The following PARPBP variants were observed in gnomAD, a reference collection of about 807,000 sequenced individuals.
The protein encoded by PARPBP is PARP1 binding protein.
PARPBP carries 52 observed loss-of-function variants against 50.0 expected under a neutral mutation model. The ratio of observed to expected loss-of-function variants is 1.04; its 90% CI spans 0.83 to 1.31. The LOEUF (loss-of-function observed/expected upper bound fraction) is 1.31, where lower values mean the gene tolerates loss of function less well. Ranked by LOEUF, PARPBP falls within the 50% of genes most tolerant of loss-of-function variation. PARPBP has a pLI of 0.00. For missense variants in PARPBP, 697 were observed against 672.0 expected (o/e 1.04, Z -0.41); for synonymous variants, 244 against 232.1 (o/e 1.05, Z -0.47).
chr12:102,193,202 G>A (rs1465126915), intron 9 of PARPBP, among the ~76,000 whole-genome samples: 2 of 151,716 alleles, frequency 1.3e-5, no homozygotes, highest in Non-Finnish European at 1.5e-5. Flanking sequence ...TATTTGCATA[G>A]CAAGCAAAGA....
intron 9 of PARPBP, among the ~76,000 whole-genome samples, chr12:102,187,594 A>C (rs1890413224): frequency 6.6e-6 from 1 of 152,204 alleles, no homozygotes; most frequent in African/African-American, 2.4e-5. Context: ...CCTAGAGTGC[A>C]GAACCCAGAA....
intron 2 of PARPBP, among the ~76,000 whole-genome samples, chr12:102,136,977 CAG>C (rs1424567846): frequency 1.3e-5 from 2 of 151,818 alleles, no homozygotes; most frequent in Non-Finnish European, 1.5e-5. Context: ...GTTTTTGAGA[CAG>C]AGTCTCACTC....
Position 102,196,617 on chromosome 12 carries a change from T to C in PARPBP, c.*326T>C. ...TCCCATTGGCAATTAAATGCTTTTA[T>C]TTTCTTCTGAAAAGATGATGTGGAC... On this transcript the variant is annotated 3_prime_UTR_variant, in exon 11 of 11. Coordinates refer to ENST00000327680, the MANE Select transcript of PARPBP (RefSeq NM_017915.5). The C allele has an allele frequency of 6.5e-7, 1 of 1,535,432 alleles. No homozygotes were observed. Among genetic ancestry groups the C allele is most frequent in the Non-Finnish European group, 9.0e-7 (1 of 1,108,872 alleles).
Position 102,124,002 on chromosome 12 carries a change from C to G in PARPBP, c.114C>G (p.Leu38=). 1 of 1,535,106 alleles carries G rather than the reference C, an allele frequency of 6.5e-7. No homozygotes were observed. The part of the protein sequence containing the change: ...RTTLCGADSM[L]LALQLSMAEN... The stretch of plus-strand genomic sequence containing the variant: ...CTCTATGTGGTGCAGACTCCATGCT[C>G]TTGGCATTGCAGCTTTCTATGGCGG... The change falls in exon 2 of 11, where the codon CTC becomes CTG. Residue 38 remains leucine (L), a synonymous_variant. Coordinates refer to ENST00000327680, the MANE Select transcript of PARPBP (RefSeq NM_017915.5).
At chr12:102,187,941 A>T (rs1223176904) in intron 9 of PARPBP, among the ~76,000 whole-genome samples, 1 of 152,228 alleles carries the variant, frequency 6.6e-6, no homozygotes, top group Non-Finnish European at 1.5e-5. Flanking sequence ...GGACAGGATA[A>T]CATCCTTCTG....
At chr12:102,154,087 T>G in intron 4 of PARPBP, 111 bp downstream of exon 4, 1 of 626,364 alleles carries the variant, frequency 1.6e-6, no homozygotes, top group South Asian at 2.0e-5. Context: ...TTAACAAATC[T>G]TTAGTATGTT....
chr12:102,131,439 T>C (rs1470351813), intron 2 of PARPBP, among the ~76,000 whole-genome samples: 1 of 152,148 alleles, frequency 6.6e-6, no homozygotes, highest in Non-Finnish European at 1.5e-5. Flanking sequence ...GGAGATTCCT[T>C]GAAGACCTAA....
chr12:102,176,143 T>C (rs1245137461), intron 7 of PARPBP, among the ~76,000 whole-genome samples: 1 of 151,954 alleles, frequency 6.6e-6, no homozygotes, highest in Non-Finnish European at 1.5e-5. Context: ...CCACCATGCC[T>C]GGCTAATTTT....
At chr12:102,138,823 CTCTGT>C (rs1419433186) in intron 2 of PARPBP, among the ~76,000 whole-genome samples, 1 of 152,128 alleles carries the variant, frequency 6.6e-6, no homozygotes, top group African/African-American at 2.4e-5. Context: ...TTTCTGAGGG[CTCTGT>C]TCTGTTCCAT....
At chr12:102,122,032 T>C (rs1392969373) in intron 1 of PARPBP, among the ~76,000 whole-genome samples, 3 of 152,206 alleles carry the variant, frequency 2.0e-5, no homozygotes, top group Non-Finnish European at 1.5e-5. Flanking sequence ...GTGATGTAAC[T>C]TGGCCAAGAT....
chr12:102,187,030 T>C (rs1890364571), intron 9 of PARPBP, among the ~76,000 whole-genome samples: 4 of 152,224 alleles, frequency 2.6e-5, no homozygotes, highest in African/African-American at 7.2e-5. Context: ...TGAAAACTCT[T>C]GAGTACATCT....
intron 3 of PARPBP, chr12:102,151,820 A>AT: frequency 6.6e-7 from 1 of 1,518,642 alleles, no homozygotes; most frequent in East Asian, 2.4e-5. Flanking sequence ...TGGGAAAGCC[A>AT]CCCGCTTCAG....
At chr12:102,149,281 A>G (rs1011616464) in intron 3 of PARPBP, among the ~76,000 whole-genome samples, 1 of 152,246 alleles carries the variant, frequency 6.6e-6, no homozygotes, top group African/African-American at 2.4e-5. Flanking sequence ...CTCCACTACA[A>G]TAGTTATTGA....
At chr12:102,141,552 C>T (rs1196370099) in intron 2 of PARPBP, among the ~76,000 whole-genome samples, 6 of 152,100 alleles carry the variant, frequency 3.9e-5, no homozygotes, top group Non-Finnish European at 7.4e-5. Context: ...TTATTTTGCT[C>T]GTTAGTTGAT....
intron 2 of PARPBP, among the ~76,000 whole-genome samples, chr12:102,134,914 G>A (rs1320264676): frequency 1.3e-5 from 2 of 152,156 alleles, no homozygotes; most frequent in African/African-American, 4.8e-5. Flanking sequence ...CTGGGCCCAA[G>A]GGATCTGCCT....
chr12:102,155,067 T>C (rs1024251851), intron 4 of PARPBP: 3 of 267,620 alleles, frequency 1.1e-5, no homozygotes, highest in Non-Finnish European at 2.2e-5. Context: ...CTATGACCTA[T>C]AAGCCCCATT....
intron 2 of PARPBP, among the ~76,000 whole-genome samples, chr12:102,137,337 A>C (rs1883794812): frequency 6.6e-6 from 1 of 152,144 alleles, no homozygotes; most frequent in South Asian, 2.1e-4. Context: ...TTGAATACCT[A>C]GTAGAGTTGT....
At chr12:102,165,985 C>A in intron 6 of PARPBP, 102 bp downstream of exon 6, 1 of 737,590 alleles carries the variant, frequency 1.4e-6, no homozygotes, top group Non-Finnish European at 2.2e-6. Context: ...AGCATCAGAC[C>A]AAACGGTGAG....
At chr12:102,161,492 G>A (rs1182620705) in intron 4 of PARPBP, among the ~76,000 whole-genome samples, 1 of 152,014 alleles carries the variant, frequency 6.6e-6, no homozygotes, top group Non-Finnish European at 1.5e-5. Flanking sequence ...ATTCATCATT[G>A]AATGAAAACT....
Sources: gnomAD v4.1 joint callset for allele counts (sites outside exome capture counted in the v4.1 genomes callset) on GRCh38, gnomAD v4.1.1 for gene constraint, MANE v1.5 for transcripts, NCBI Gene and HGNC (gene_info 2026-07-23, HGNC 2026-07-21) for gene names.